The following PRC1 variants were observed in gnomAD, a reference collection of about 807,000 sequenced individuals.
The protein encoded by PRC1 is protein regulator of cytokinesis 1, also known as anaphase spindle elongation 1 homolog.
In PRC1, 54 loss-of-function variants were observed where a neutral mutation model predicts 91.2. The observed-to-expected ratio is 0.59, with a 90% CI of 0.48 to 0.74. The LOEUF (loss-of-function observed/expected upper bound fraction) is 0.74, where lower values mean the gene tolerates loss of function less well. Ranked by LOEUF, PRC1 falls within the 30% of genes least tolerant of loss-of-function variation. The pLI is 0.00. For synonymous variants in PRC1, 275 were observed against 263.6 expected (o/e 1.04, Z -0.42); for missense variants, 727 against 746.2 (o/e 0.97, Z 0.30).
At position 90,967,059 on chromosome 15, in the gene PRC1, TAA is replaced by T; in HGVS notation, c.*70_*71del. The T allele has an allele frequency of 1.4e-6, 2 of 1,402,314 alleles. No individual in the cohort carries two copies. Among genetic ancestry groups the T allele is most frequent in the South Asian group, 1.2e-5 (1 of 84,744 alleles). 86.9% of individuals were successfully genotyped at this position (1,402,314 alleles called of 1,614,324 possible). A position where few individuals can be genotyped will look rare whatever the true frequency, so the allele number is the denominator to read the frequency against. On this transcript the variant is annotated 3_prime_UTR_variant, in exon 15 of 15. Transcript: ENST00000394249. ...AAGCACGCCTAAGCTGAAGAAAAAC[TAA>T]AGTCACCCCCATATAATTAGGTCCA...
intron 9 of PRC1, among the ~76,000 whole-genome samples, chr15:90,975,650 G>A (rs2038616251): frequency 6.6e-6 from 1 of 151,992 alleles, no homozygotes; most frequent in African/African-American, 2.4e-5. Context: ...TTAACCCCCA[G>A]TACCTCAGAA....
intron 12 of PRC1, among the ~76,000 whole-genome samples, 167 bp from the exon 13 acceptor site, chr15:90,969,790 A>G (rs1350307426): frequency 8.3e-5 from 9 of 108,830 alleles, no homozygotes; most frequent in African/African-American, 3.6e-4. Flanking sequence ...ATATATATAT[A>G]TATATATATA....
chr15:90,973,208 G>A (rs2038318539), intron 11 of PRC1: 1 of 152,374 alleles, frequency 6.6e-6, no homozygotes, highest in African/African-American at 2.4e-5. Flanking sequence ...GCCTTGAGAT[G>A]CTGTTAATCT....
At position 90,981,824 on chromosome 15, in the gene PRC1, A is replaced by G. The variant is rs778775059; in HGVS notation, c.425T>C (p.Ile142Thr). Residue 142 changes from isoleucine (I) to threonine (T), a missense_variant, in exon 4 of 15, where the codon ATT becomes ACT. Transcript: ENST00000394249. The part of the protein sequence containing the change: ...CEILCMPHYD[I>T]DSASVPSLEE... ...TAAGCTGGGCACTGAGGCACTGTCA[A>G]TATCATAGTGGGGCATACAAAGAAT... 3.8e-5 allele frequency: 62 copies of G among 1,614,106 alleles called. No individual in the cohort carries two copies. Among genetic ancestry groups the G allele is most frequent in the Middle Eastern group, 1.6e-4 (1 of 6,084 alleles).
Position 90,968,908 on chromosome 15 carries a change from T to G in PRC1, c.1791+171A>C, listed in dbSNP as rs567279393. 5.4e-4 allele frequency: 772 copies of G among 1,429,240 alleles called. 6 individuals carry two copies. In the South Asian group the frequency reaches 0.011, roughly 20 times the overall value. 88.5% of individuals were successfully genotyped at this position (1,429,240 alleles called of 1,614,324 possible). A position where few individuals can be genotyped will look rare whatever the true frequency, so the allele number is the denominator to read the frequency against. ...AGTCTGAACAAATTTTATTAATTAA[T>G]CTGTTGTGAATGTAAATCAGATGTG... On this transcript the variant is annotated intron_variant, in intron 14 of 14. Transcript: ENST00000394249.
intron 5 of PRC1, 137 bp downstream of exon 5, chr15:90,981,360 CAT>C (rs754634355): frequency 3.5e-4 from 345 of 986,030 alleles, no homozygotes; most frequent in Non-Finnish European, 4.5e-4. Context: ...GGTTGTATAT[CAT>C]ATATTACTAT....
intron 7 of PRC1, 101 bp downstream of exon 7, chr15:90,980,141 T>C (rs1236636339): frequency 1.7e-5 from 24 of 1,404,332 alleles, no homozygotes; most frequent in Non-Finnish European, 2.2e-5. Context: ...GGAGGCCAAG[T>C]TGGGAGGATT....
At chr15:90,972,380 C>CTA (rs375438371) in intron 11 of PRC1, among the ~76,000 whole-genome samples, 14 of 151,734 alleles carry the variant, frequency 9.2e-5, no homozygotes, top group African/African-American at 3.1e-4. Context: ...AAGACACTGT[C>CTA]TAAAAATAAT....
At chr15:90,987,432 T>C (rs2039664909) in intron 1 of PRC1, among the ~76,000 whole-genome samples, 1 of 152,220 alleles carries the variant, frequency 6.6e-6, no homozygotes, top group Non-Finnish European at 1.5e-5. Flanking sequence ...GAGTTTACAC[T>C]TGATTTCTGT....
rs1215058246 is a variant in PRC1 at position 90,966,588 on chromosome 15, T to C, written c.*543A>G. ...GCTCCCAGCCTTCCTGTCACCTCTT[T>C]GGCAGTAGGGCAGGCCATCTCAACT... is the stretch of plus-strand genomic sequence containing the variant. On this transcript the variant is annotated 3_prime_UTR_variant, in exon 15 of 15. Transcript: ENST00000394249. 5 of 456,028 alleles carry C rather than the reference T, an allele frequency of 1.1e-5. No individual in the cohort carries two copies. The highest frequency in any genetic ancestry group is 2.2e-5 in the Non-Finnish European group (5 of 226,850). The allele number at this position is 456,028 out of a possible 1,614,324, so 28.2% of individuals were successfully genotyped here. A position where few individuals can be genotyped will look rare whatever the true frequency, so the allele number is the denominator to read the frequency against.
Position 90,966,776 on chromosome 15 carries a change from C to A in PRC1, c.*355G>T. 1 of 431,648 alleles carries A rather than the reference C, an allele frequency of 2.3e-6. No homozygotes were observed. Among genetic ancestry groups the A allele is most frequent in the Non-Finnish European group, 4.5e-6 (1 of 220,952 alleles). 26.7% of individuals were successfully genotyped at this position (431,648 alleles called of 1,614,324 possible). A position where few individuals can be genotyped will look rare whatever the true frequency, so the allele number is the denominator to read the frequency against. ...ACAGGTATACATGCCAAAATTACCC[C>A]CAGGGATGGGCATAGTCAATCATTT... On this transcript the variant is annotated 3_prime_UTR_variant, in exon 15 of 15. Coordinates refer to ENST00000394249, the MANE Select transcript of PRC1 (RefSeq NM_003981.4).
At chr15:90,968,761 T>TG (rs1422001717) in intron 14 of PRC1, 8 of 1,170,448 alleles carry the variant, frequency 6.8e-6, no homozygotes, top group Non-Finnish European at 8.5e-6. Context: ...CCCATGTGAT[T>TG]GGGGGCCTCT....
At chr15:90,979,134 A>G (rs764288159) in intron 8 of PRC1, 24 bp downstream of exon 8, 8 of 1,606,608 alleles carry the variant, frequency 5.0e-6, no homozygotes, top group Non-Finnish European at 6.8e-6. Context: ...TTAACAGTTA[A>G]AAACACAAAA....
At chr15:90,989,189 C>T (rs1429504073) in intron 1 of PRC1, among the ~76,000 whole-genome samples, 1 of 152,082 alleles carries the variant, frequency 6.6e-6, no homozygotes, top group Non-Finnish European at 1.5e-5. Context: ...AACCCTCAGA[C>T]ACTGCTTGTG....
chr15:90,968,909 C>T (rs2037792767), intron 14 of PRC1, 170 bp downstream of exon 14: 2 of 1,426,922 alleles, frequency 1.4e-6, no homozygotes, highest in Middle Eastern at 2.6e-4. Context: ...ATTAATTAAT[C>T]TGTTGTGAAT....
rs2037531283 is a variant in PRC1, at chr15:90,966,791, G to C, written c.*340C>G. On this transcript the variant is annotated 3_prime_UTR_variant, in exon 15 of 15. Transcript: ENST00000394249. ...AAAATTACCCCCAGGGATGGGCATAGTCAATCATTTTCCTACAGTGGTGAA... is the reference window on the plus strand; with the variant it reads ...AAAATTACCCCCAGGGATGGGCATACTCAATCATTTTCCTACAGTGGTGAA... 9.2e-6 allele frequency: 4 copies of C among 436,090 alleles called. No homozygotes were observed. The highest frequency in any genetic ancestry group is 5.9e-5 in the South Asian group (3 of 50,614). The allele number at this position is 436,090 out of a possible 1,614,324, so 27.0% of individuals were successfully genotyped here. A position where few individuals can be genotyped will look rare whatever the true frequency, so the allele number is the denominator to read the frequency against.
At chr15:90,986,357 A>G (rs1047208737) in intron 1 of PRC1, among the ~76,000 whole-genome samples, 1 of 152,242 alleles carries the variant, frequency 6.6e-6, no homozygotes, top group African/African-American at 2.4e-5. Flanking sequence ...GGCTGGGTGC[A>G]GTGGCTCACA....
chr15:90,991,491 G>A (rs1046553519), intron 1 of PRC1, among the ~76,000 whole-genome samples: 4 of 151,864 alleles, frequency 2.6e-5, no homozygotes, highest in African/African-American at 9.7e-5. Flanking sequence ...GGAAATGGGT[G>A]TTTGGAATTA....
At position 90,976,755 on chromosome 15, in the gene PRC1, G is replaced by A; in HGVS notation, c.1124C>T (p.Pro375Leu). 6.2e-7 allele frequency: 1 copy of A among 1,612,600 alleles called. No individual in the cohort carries two copies. Among genetic ancestry groups the A allele is most frequent in the Non-Finnish European group, 8.5e-7 (1 of 1,179,000 alleles). Residue 375 changes from proline (P) to leucine (L), a missense_variant, in exon 9 of 15, where the codon CCA becomes CTA. By Grantham distance (98) the Pro-to-Leu change is moderately conservative. Transcript: ENST00000394249. ...FLEFERKASD[P>L]NRFTNRGGNL... The stretch of plus-strand genomic sequence containing the variant: ...TCCTCCTCGGTTTGTAAATCGATTT[G>A]GATCTGAAGCTTTTCTCTGTGAAAA...
Sources: gnomAD v4.1 joint callset for allele counts (sites outside exome capture counted in the v4.1 genomes callset) on GRCh38, gnomAD v4.1.1 for gene constraint, MANE v1.5 for transcripts, NCBI Gene and HGNC (gene_info 2026-07-23, HGNC 2026-07-21) for gene names.